ALK: variants seen among roughly 807,000 people sequenced by gnomAD.
ALK encodes the protein ALK tyrosine kinase receptor.
A neutral mutation model predicts 163.1 loss-of-function variants in ALK; 74 were observed. That is an observed-to-expected ratio of 0.45 (90% CI 0.38 to 0.55). The LOEUF (loss-of-function observed/expected upper bound fraction) is 0.55. Ranked by LOEUF, ALK falls within the 20% of genes least tolerant of loss-of-function variation. The probability of loss-of-function intolerance (pLI) is 0.00; values close to 1 mark genes in which losing one functional copy is unlikely to be tolerated. For missense variants in ALK, 2,063 were observed against 2,105.3 expected (o/e 0.98, Z 0.39); for synonymous variants, 960 against 843.2 (o/e 1.14, Z -2.40).
chr2:29,272,627 G>C (rs961311105), intron 11 of ALK, among the ~76,000 whole-genome samples: 1 of 152,224 alleles, frequency 6.6e-6, no homozygotes, highest in Non-Finnish European at 1.5e-5. Flanking sequence ...CCGGAGGAGA[G>C]TTGAAATGCC....
rs763641818 is a variant in ALK, at chr2:29,385,118, CA to C, written c.1155-1260del. Among the ~76,000 whole-genome samples the C allele has an allele frequency of 3.2e-5, 3 of 94,888 alleles. No homozygotes were observed. In the South Asian group the frequency reaches 9.5e-4, roughly 30 times the overall value. The allele number at this position is 94,888 out of a possible 152,430, so 62.3% of individuals were successfully genotyped here. On this transcript the variant is annotated intron_variant, in intron 4 of 28. Transcript: ENST00000389048. Reference sequence around the variant, plus strand: ...TCTATGAAATCATCACAATATTTCACATTTTTTTTTTTTTTACCAGTAGGTT... The same window carrying C: ...TCTATGAAATCATCACAATATTTCACTTTTTTTTTTTTTTACCAGTAGGTT...
intron 4 of ALK, among the ~76,000 whole-genome samples, chr2:29,482,656 G>C (rs1178589451): frequency 6.6e-6 from 1 of 152,088 alleles, no homozygotes; most frequent in Non-Finnish European, 1.5e-5. Flanking sequence ...AGTGAGTATT[G>C]TTGGTACAAT....
chr2:29,553,109 C>A (rs919898432), intron 3 of ALK, among the ~76,000 whole-genome samples: 1 of 152,140 alleles, frequency 6.6e-6, no homozygotes, highest in African/African-American at 2.4e-5. Context: ...GTGTCTCTTC[C>A]AAAACTCATG....
At chr2:29,526,118 G>C (rs1473863020) in intron 4 of ALK, among the ~76,000 whole-genome samples, 1 of 152,184 alleles carries the variant, frequency 6.6e-6, no homozygotes, top group Admixed American at 6.5e-5. Context: ...ACCCTGAGCA[G>C]CCTGAGAGGA....
At chr2:29,382,539 T>C (rs1668925858) in intron 5 of ALK, among the ~76,000 whole-genome samples, 1 of 152,190 alleles carries the variant, frequency 6.6e-6, no homozygotes, top group Non-Finnish European at 1.5e-5. Flanking sequence ...ATGAGAACAT[T>C]CTGGGAATTG....
intron 3 of ALK, among the ~76,000 whole-genome samples, chr2:29,574,230 C>T (rs987497663): frequency 2.0e-5 from 3 of 152,174 alleles, no homozygotes; most frequent in African/African-American, 7.2e-5. Flanking sequence ...AAGATTTGCT[C>T]TTACCACTGC....
At chr2:29,740,676 C>T (rs193102494) in intron 1 of ALK, among the ~76,000 whole-genome samples, 12 of 152,264 alleles carry the variant, frequency 7.9e-5, no homozygotes, top group Non-Finnish European at 1.6e-4. Context: ...TGGTACATCC[C>T]GATAATGAGA....
chr2:29,646,624 G>A (rs554956965), intron 3 of ALK, among the ~76,000 whole-genome samples: 6 of 152,012 alleles, frequency 3.9e-5, no homozygotes, highest in Non-Finnish European at 5.9e-5. Context: ...CCACATGGTC[G>A]TCTTGCCATC....
At position 29,474,847 on chromosome 2, in the gene ALK, A is replaced by G. The variant is rs189398169; in HGVS notation, c.1154+57068T>C. Among the ~76,000 whole-genome samples, 180 of 152,306 alleles carry G rather than the reference A, an allele frequency of 1.2e-3. 1 individual carries two copies. The highest frequency in any genetic ancestry group is 3.8e-3 in the African/African-American group (159 of 41,566). On this transcript the variant is annotated intron_variant, in intron 4 of 28. Coordinates refer to ENST00000389048, the MANE Select transcript of ALK (RefSeq NM_004304.5). Reference sequence around the variant, plus strand: ...GAGCAAGGGGTGGTTCATCAGATCAAGTTGAAAAGCCAAGATAGAAGCACA... The same window carrying G: ...GAGCAAGGGGTGGTTCATCAGATCAGGTTGAAAAGCCAAGATAGAAGCACA...
intron 3 of ALK, among the ~76,000 whole-genome samples, chr2:29,683,408 AAAAC>A (rs1364545655): frequency 1.3e-5 from 2 of 152,058 alleles, no homozygotes; most frequent in East Asian, 3.9e-4. Flanking sequence ...AACAAAAACA[AAAAC>A]AAAAAAAATG....
At chr2:29,375,661 T>C (rs113244710) in intron 5 of ALK, among the ~76,000 whole-genome samples, 2 of 152,290 alleles carry the variant, frequency 1.3e-5, no homozygotes, top group African/African-American at 4.8e-5. Flanking sequence ...AAACCCAATC[T>C]ATGTTCCAGT....
chr2:29,692,967 C>T (rs371500322), intron 3 of ALK, among the ~76,000 whole-genome samples: 9 of 152,168 alleles, frequency 5.9e-5, no homozygotes, highest in African/African-American at 2.2e-4. Context: ...CAATTTAATC[C>T]CATTTATATA....
intron 8 of ALK, among the ~76,000 whole-genome samples, chr2:29,313,718 G>GT (rs1272084879): frequency 6.6e-6 from 1 of 152,134 alleles, no homozygotes; most frequent in African/African-American, 2.4e-5. Context: ...TGGGGAGCCC[G>GT]TGATGCATAG....
intron 4 of ALK, among the ~76,000 whole-genome samples, chr2:29,473,291 C>A (rs1671415176): frequency 6.6e-6 from 1 of 152,076 alleles, no homozygotes; most frequent in Non-Finnish European, 1.5e-5. Context: ...CATAAATGAG[C>A]CTATACCTCT....
In ALK at chr2:29,275,482, A is replaced by G; in HGVS notation, c.1832T>C (p.Met611Thr). 2 of 1,614,176 alleles carry G rather than the reference A, an allele frequency of 1.2e-6. No homozygotes were observed. Among genetic ancestry groups the G allele is most frequent in the Non-Finnish European group, 1.7e-6 (2 of 1,180,034 alleles). Residue 611 changes from methionine (M) to threonine (T), a missense_variant, in exon 10 of 29, where the codon ATG becomes ACG. Met to Thr is a moderately conservative substitution (Grantham distance 81). Transcript: ENST00000389048. ...LDVSDRFWLQ[M>T]VAWWGQGSRA... ...GGATCCTTGTCCCCACCATGCGACCATCTGCAGCCAGAACCTGTACACATC... is the reference window on the plus strand; with the variant it reads ...GGATCCTTGTCCCCACCATGCGACCGTCTGCAGCCAGAACCTGTACACATC...
At chr2:29,856,395 T>C (rs1162228890) in intron 1 of ALK, among the ~76,000 whole-genome samples, 12 of 152,250 alleles carry the variant, frequency 7.9e-5, no homozygotes, top group Admixed American at 7.2e-4. Flanking sequence ...CTACCTGTAA[T>C]ATAAGCTATC....
At chr2:29,472,776 C>T (rs1028297622) in intron 4 of ALK, among the ~76,000 whole-genome samples, 20 of 151,948 alleles carry the variant, frequency 1.3e-4, no homozygotes, top group African/African-American at 3.9e-4. Context: ...TATAAAAACA[C>T]TTAAAAGTCA....
chr2:29,471,975 T>A (rs1266373127), intron 4 of ALK, among the ~76,000 whole-genome samples: 34 of 152,264 alleles, frequency 2.2e-4, no homozygotes, highest in Non-Finnish European at 1.5e-5. Context: ...ACTCCTGACC[T>A]CAGGTGATCC....
chr2:29,647,775 C>CT (rs34620705), intron 3 of ALK, among the ~76,000 whole-genome samples: 66,006 of 116,964 alleles, frequency 0.56, 19,223 homozygotes, highest in East Asian at 0.69. Context: ...ATGATTTTTT[C>CT]TTTTTTTTTT....
Sources: gnomAD v4.1 joint callset for allele counts (sites outside exome capture counted in the v4.1 genomes callset) on GRCh38, gnomAD v4.1.1 for gene constraint, MANE v1.5 for transcripts, NCBI Gene and HGNC (gene_info 2026-07-23, HGNC 2026-07-21) for gene names.